The following CABIN1 variants were observed in gnomAD, a reference collection of about 807,000 sequenced individuals.
CABIN1 encodes calcineurin-binding protein cabin-1.
Under a neutral mutation model 227.7 loss-of-function variants are expected in CABIN1, and 133 were observed. The observed-to-expected ratio is 0.58, with a 90% CI of 0.51 to 0.67. The LOEUF is 0.67. CABIN1 is among the 30% of genes least tolerant of loss of function. The pLI, the probability that CABIN1 is intolerant of heterozygous loss-of-function variation, is 0.00. For missense variants in CABIN1, 2,408 were observed against 2,852.5 expected, an observed-to-expected ratio of 0.84 and a Z score of 3.55; for synonymous variants, 1,086 against 1,155.1, an observed-to-expected ratio of 0.94 and a Z score of 1.21.
chr22:24,041,618 G>A (rs910073779), intron 5 of CABIN1, among the ~76,000 whole-genome samples: 4 of 152,210 alleles, frequency 2.6e-5, no homozygotes, highest in Non-Finnish European at 5.9e-5. Context: ...AGTTGTGAAA[G>A]TTAAATGAGT....
chr22:24,019,650 CTTTT>C (rs34361694), intron 1 of CABIN1, among the ~76,000 whole-genome samples: 2 of 87,028 alleles, frequency 2.3e-5, no homozygotes, highest in Admixed American at 1.3e-4. Flanking sequence ...TTTCTTTACC[CTTTT>C]TTTTTTTTTT....
chr22:24,079,831 A>G (rs1332045232), intron 19 of CABIN1, among the ~76,000 whole-genome samples: 1 of 152,076 alleles, frequency 6.6e-6, no homozygotes, highest in Non-Finnish European at 1.5e-5. Context: ...AAGTTTCACC[A>G]GTTTTACGTG....
At chr22:24,128,822 A>G (rs2043890239) in intron 28 of CABIN1, among the ~76,000 whole-genome samples, 1 of 152,220 alleles carries the variant, frequency 6.6e-6, no homozygotes, top group Non-Finnish European at 1.5e-5. Flanking sequence ...GGTCTTGCAG[A>G]TAGGCTGGCA....
Position 24,178,061 on chromosome 22 carries a change from C to T in CABIN1, c.6528C>T (p.Ile2176=). The change falls in exon 37 of 37, where the codon ATC becomes ATT. Residue 2176 remains isoleucine (I), a synonymous_variant. Transcript: ENST00000263119. ...CCCGGCCCTCTCCGCAGTCAGCCAT[C>T]CTTTCTGCCCAGTCTGCTGCCAACG... ...EETKQKLKSA[I]LSAQSAANVR... is the part of the protein sequence containing the mutation. 1 of 1,613,744 alleles carries T rather than the reference C, an allele frequency of 6.2e-7. No individual in the cohort carries two copies. The highest frequency in any genetic ancestry group is 8.5e-7 in the Non-Finnish European group (1 of 1,179,966).
chr22:24,056,539 C>A, intron 10 of CABIN1, 179 bp downstream of exon 10: 1 of 641,820 alleles, frequency 1.6e-6, no homozygotes, highest in Non-Finnish European at 2.7e-6. Flanking sequence ...GGATTTTTCT[C>A]GCCTCTTCCC....
chr22:24,151,514 C>T (rs531756677), intron 29 of CABIN1, among the ~76,000 whole-genome samples: 11 of 152,250 alleles, frequency 7.2e-5, no homozygotes, highest in African/African-American at 2.6e-4. Flanking sequence ...CCGGGCTCCC[C>T]TCCTGAGATG....
rs201555024 is a variant in CABIN1, at chr22:24,178,038, C to T, written c.6520-15C>T. The T allele has an allele frequency of 4.3e-5, 70 of 1,613,198 alleles. No homozygotes were observed. The Middle Eastern group carries it at 1.0e-3, about 24-fold the overall frequency. The stretch of plus-strand genomic sequence containing the variant: ...AGCCATCCTTGACCAGTGCCCCGCC[C>T]GGCCCTCTCCGCAGTCAGCCATCCT... On this transcript the variant is annotated splice_polypyrimidine_tract_variant and intron_variant, in intron 36 of 36. Transcript: ENST00000263119.
At chr22:24,013,815 A>G (rs566977198) in intron 1 of CABIN1, among the ~76,000 whole-genome samples, 69 of 152,268 alleles carry the variant, frequency 4.5e-4, no homozygotes, top group African/African-American at 1.6e-3. Flanking sequence ...TGATGCTTTT[A>G]AAGAGTAGTG....
Position 24,092,687 on chromosome 22 carries a change from A to AGTGTGTGTGTGTGT in CABIN1, c.3786+869_3786+882dup, listed in dbSNP as rs3221282. On this transcript the variant is annotated intron_variant, in intron 24 of 36. Coordinates refer to ENST00000263119, the MANE Select transcript of CABIN1 (RefSeq NM_012295.4). ...TGTGATTTTTTTTCCTGATTATAAAAGTGTGTGTGTGTGTGTGTGTGTGTG... is the reference window on the plus strand; with the variant it reads ...TGTGATTTTTTTTCCTGATTATAAAAGTGTGTGTGTGTGTGTGTGTGTGTGTGTGTGTGTGTGTG... Among the ~76,000 whole-genome samples the AGTGTGTGTGTGTGT allele has an allele frequency of 1.8e-3, 245 of 138,810 alleles. 2 individuals are homozygous for AGTGTGTGTGTGTGT. Among genetic ancestry groups the AGTGTGTGTGTGTGT allele is most frequent in the African/African-American group, 5.3e-3 (194 of 36,544 alleles). The allele number at this position is 138,810 out of a possible 152,430, so 91.1% of individuals were successfully genotyped here.
At chr22:24,086,927 C>G (rs1157176595) in intron 22 of CABIN1, among the ~76,000 whole-genome samples, 1 of 152,206 alleles carries the variant, frequency 6.6e-6, no homozygotes, top group East Asian at 1.9e-4. Flanking sequence ...TTGCTGGGGT[C>G]CAGGGGTCTC....
chr22:24,073,701 C>T (rs2040248852), intron 18 of CABIN1, among the ~76,000 whole-genome samples: 1 of 152,056 alleles, frequency 6.6e-6, no homozygotes, highest in South Asian at 2.1e-4. Flanking sequence ...GAGTTGAGCC[C>T]TGAAGGAAGA....
intron 33 of CABIN1, among the ~76,000 whole-genome samples, chr22:24,170,753 C>A (rs1026452922): frequency 1.2e-5 from 1 of 83,518 alleles, no homozygotes; most frequent in African/African-American, 6.6e-5. Flanking sequence ...TAGCAAACTG[C>A]CCCCCCCCCC....
chr22:24,058,972 G>A (rs933386942), intron 10 of CABIN1, among the ~76,000 whole-genome samples: 4 of 152,368 alleles, frequency 2.6e-5, no homozygotes, highest in African/African-American at 9.6e-5. Context: ...CTAGCACAGT[G>A]CCTGGCACAT....
Position 24,113,649 on chromosome 22 carries a change from G to A in CABIN1, c.4201G>A (p.Glu1401Lys), listed in dbSNP as rs539394001. The change falls in exon 27 of 37, where the codon GAA becomes AAA. Residue 1401 changes from glutamate (E) to lysine (K), a missense_variant. Physicochemically the swap from Glu to Lys is moderately conservative, Grantham distance 56 (BLOSUM62 1). Around this residue, in one of 3 missense-constraint regions of CABIN1, gnomAD observed 649 missense variants for 910.3 expected, o/e 0.71. Transcript: ENST00000263119. ...DFFNEPTSLL[E>K]GSRKSYTEKR... ...CTTTAATGAGCCCACCAGCTTACTG[G>A]AAGGCTCCAGGAAATCCTACACAGA... 6.2e-7 allele frequency: 1 copy of A among 1,614,162 alleles called. No individual in the cohort carries two copies. Among genetic ancestry groups the A allele is most frequent in the Admixed American group, 1.7e-5 (1 of 60,034 alleles).
At chr22:24,156,838 C>T (rs538127405) in intron 29 of CABIN1, among the ~76,000 whole-genome samples, 3 of 152,202 alleles carry the variant, frequency 2.0e-5, no homozygotes, top group Non-Finnish European at 4.4e-5. Flanking sequence ...GGTTGTTTGT[C>T]GTTTCTGCTT....
chr22:24,093,685 C>T (rs5751803), intron 24 of CABIN1, among the ~76,000 whole-genome samples: 43,096 of 151,824 alleles, frequency 0.28, 7,682 homozygotes, highest in African/African-American at 0.5. Flanking sequence ...CAGAGACTAG[C>T]GGGCAACATG....
chr22:24,085,138 A>G lies in CABIN1; in HGVS notation c.3250A>G (p.Ile1084Val). 4 of 1,614,236 alleles carry G rather than the reference A, an allele frequency of 2.5e-6. No homozygotes were observed. The highest frequency in any genetic ancestry group is 3.4e-6 in the Non-Finnish European group (4 of 1,180,046). The part of the protein sequence containing the change: ...AIKFYMHDIC[I>V]CPNRFDSWAG... ...CAAGTTCTACATGCATGACATCTGCATCTGCCCCAATAGGTCAGTGACCAG... is the reference window on the plus strand; with the variant it reads ...CAAGTTCTACATGCATGACATCTGCGTCTGCCCCAATAGGTCAGTGACCAG... Residue 1084 changes from isoleucine (I) to valine (V), a missense_variant, in exon 22 of 37, where the codon ATC becomes GTC. Ile to Val is a conservative substitution (Grantham distance 29). Around this residue, in one of 3 missense-constraint regions of CABIN1, gnomAD observed 649 missense variants for 910.3 expected, o/e 0.71. Transcript: ENST00000263119.
chr22:24,044,099 A>G (rs1310944185), intron 6 of CABIN1, among the ~76,000 whole-genome samples: 1 of 152,164 alleles, frequency 6.6e-6, no homozygotes, highest in African/African-American at 2.4e-5. Context: ...TGGAGGGACA[A>G]GCCCCACCCT....
chr22:24,058,717 G>A (rs1363067546), intron 10 of CABIN1, among the ~76,000 whole-genome samples: 3 of 152,242 alleles, frequency 2.0e-5, no homozygotes, highest in African/African-American at 4.8e-5. Context: ...TTCTTGTCCT[G>A]CATCTTTGTA....
Sources: gnomAD v4.1 joint callset for allele counts (sites outside exome capture counted in the v4.1 genomes callset) on GRCh38, gnomAD v4.1.1 for gene constraint, gnomAD v4.1.1 regional missense constraint, MANE v1.5 for transcripts, NCBI Gene and HGNC (gene_info 2026-07-23, HGNC 2026-07-21) for gene names.